The following UGT2B4 variants were observed in gnomAD, a reference collection of about 807,000 sequenced individuals.
The protein encoded by UGT2B4 is UDP-glucuronosyltransferase 2B4.
Under a neutral mutation model 49.8 loss-of-function variants are expected in UGT2B4, and 49 were observed. That is an observed-to-expected ratio of 0.98 (90% confidence interval 0.78 to 1.25). The LOEUF (loss-of-function observed/expected upper bound fraction) is 1.25, where lower values mean the gene tolerates loss of function less well. UGT2B4 is among the 50% of genes most tolerant of loss of function. UGT2B4 has a pLI of 0.00. For synonymous variants in UGT2B4, 246 were observed against 217.7 expected (o/e 1.13, Z -1.14); for missense variants, 729 against 627.7 (o/e 1.16, Z -1.73).
chr4:69,488,509 GT>G (rs1297368488), intron 3 of UGT2B4, among the ~76,000 whole-genome samples: 1 of 152,094 alleles, frequency 6.6e-6, no homozygotes, highest in Non-Finnish European at 1.5e-5. Flanking sequence ...AGAAGGATAT[GT>G]CAGGCAGGGA....
intron 1 of UGT2B4, among the ~76,000 whole-genome samples, chr4:69,494,790 A>G (rs1728094834): frequency 6.6e-6 from 1 of 152,190 alleles, no homozygotes; most frequent in African/African-American, 2.4e-5. Context: ...TACTCAATCT[A>G]CCAGTATGCA....
chr4:69,514,036 C>T (rs1178742288), intron 1 of UGT2B4, among the ~76,000 whole-genome samples: 2 of 151,264 alleles, frequency 1.3e-5, no homozygotes, highest in Non-Finnish European at 2.9e-5. Context: ...TCCCTAATGC[C>T]TAGAATGAAA....
chr4:69,485,145 A>G (rs983552134), intron 5 of UGT2B4, 63 bp downstream of exon 5: 3 of 1,554,866 alleles, frequency 1.9e-6, no homozygotes, highest in Non-Finnish European at 2.7e-6. Flanking sequence ...TAAAAGTCAT[A>G]CTCACTATTC....
chr4:69,485,057 A>T (rs1727728137), intron 5 of UGT2B4, 151 bp downstream of exon 5: 1 of 935,386 alleles, frequency 1.1e-6, no homozygotes, highest in Admixed American at 3.2e-5. Flanking sequence ...TTTTTAAATA[A>T]CCACTCAAAA....
chr4:69,480,736 C>T lies in UGT2B4; in HGVS notation c.1485G>A (p.Gly495=). Residue 495 remains glycine (G), a synonymous_variant, in exon 6 of 6, where the codon GGG becomes GGA. Transcript: ENST00000305107. ...WFQYHSLDVT[G]FLLACVATVI... ...CAGTTGCCACACAGGCCAGCAGGAA[C>T]CCAGTCACATCCAAAGAGTGGTACT... The T allele has an allele frequency of 6.2e-7, 1 of 1,614,016 alleles. No homozygotes were observed. The highest frequency in any genetic ancestry group is 8.5e-7 in the Non-Finnish European group (1 of 1,179,940).
chr4:69,494,422 G>C (rs546240163), intron 1 of UGT2B4, among the ~76,000 whole-genome samples: 33 of 152,088 alleles, frequency 2.2e-4, no homozygotes, highest in African/African-American at 7.7e-4. Context: ...AGAAAATTTT[G>C]AGAACTTGTT....
intron 2 of UGT2B4, among the ~76,000 whole-genome samples, chr4:69,491,562 G>C (rs149304873): frequency 3.2e-4 from 48 of 152,082 alleles, no homozygotes; most frequent in African/African-American, 1.2e-3. Context: ...AGCAAATTGG[G>C]TTTGCAGTTA....
chr4:69,493,851 G>GAA lies in UGT2B4; in HGVS notation c.722-12_722-11dup. 1.3e-6 allele frequency: 2 copies of GAA among 1,546,066 alleles called. No homozygotes were observed. Among genetic ancestry groups the GAA allele is most frequent in the Admixed American group, 2.1e-5 (1 of 47,390 alleles). ...AACGTAGTGGGTCTTCCTGATGGGG[G>GAA]AAAAAAAAAGAAAAGATAGATGACA... On this transcript the variant is annotated splice_polypyrimidine_tract_variant and intron_variant, in intron 1 of 5. Transcript: ENST00000305107.
chr4:69,480,701 A>T lies in UGT2B4; in HGVS notation c.1520T>A (p.Ile507Asn), dbSNP rs1320892096. The T allele has an allele frequency of 3.1e-6, 5 of 1,614,042 alleles. No individual in the cohort carries two copies. Among genetic ancestry groups the T allele is most frequent in the Non-Finnish European group, 4.2e-6 (5 of 1,179,984 alleles). ...LLACVATVIF[I>N]ITKCLFCVWK... ...GACACAAAACAGACATTTTGTGATG[A>T]TGAATATCACAGTTGCCACACAGGC... The change falls in exon 6 of 6, where the codon ATC (isoleucine) becomes AAC (asparagine). Residue 507 changes from isoleucine (I) to asparagine (N), a missense_variant. Ile to Asn is a moderately radical substitution (Grantham distance 149, BLOSUM62 -3). Coordinates refer to ENST00000305107, the MANE Select transcript of UGT2B4 (RefSeq NM_021139.3).
intron 5 of UGT2B4, 75 bp downstream of exon 5, chr4:69,485,133 G>C (rs954971874): frequency 1.3e-6 from 2 of 1,517,042 alleles, no homozygotes; most frequent in South Asian, 2.3e-5. Context: ...TTATAAAAAG[G>C]ATAAAAGTCA....
At chr4:69,502,118 T>TTTCTTTCTTTCTTTCTTC (rs1553896671) in intron 1 of UGT2B4, among the ~76,000 whole-genome samples, 3 of 135,718 alleles carry the variant, frequency 2.2e-5, no homozygotes, top group Non-Finnish European at 4.7e-5. Flanking sequence ...TCTTTCTTTC[T>TTTCTTTCTTTCTTTCTTC]TTCTTTCTTT....
chr4:69,517,239 C>A (rs28628787), intron 1 of UGT2B4, among the ~76,000 whole-genome samples: 2 of 151,762 alleles, frequency 1.3e-5, no homozygotes, highest in Non-Finnish European at 2.9e-5. Context: ...GCCCTCCCCC[C>A]CAAGAAATAT....
At chr4:69,503,495 C>T (rs932206625) in intron 1 of UGT2B4, among the ~76,000 whole-genome samples, 13 of 152,160 alleles carry the variant, frequency 8.5e-5, no homozygotes, top group Admixed American at 7.2e-4. Context: ...GTGCAGTACA[C>T]CCTCCTACTG....
At chr4:69,525,808 GA>G in exon 1 of UGT2B4, 1 of 1,093,892 alleles carries the variant, frequency 9.1e-7, no homozygotes, top group Non-Finnish European at 1.2e-6. Context: ...TTATATTAAA[GA>G]AAGGGCTCCA....
intron 3 of UGT2B4, among the ~76,000 whole-genome samples, chr4:69,487,212 C>A (rs912612115): frequency 6.6e-6 from 1 of 152,236 alleles, no homozygotes; most frequent in African/African-American, 2.4e-5. Context: ...CCATTCAACC[C>A]AGCAATCCCA....
At chr4:69,514,012 T>A (rs926139696) in intron 1 of UGT2B4, among the ~76,000 whole-genome samples, 28 of 151,488 alleles carry the variant, frequency 1.8e-4, no homozygotes, top group African/African-American at 6.6e-4. Flanking sequence ...TTTTTTAATT[T>A]TTTTTTATTA....
At chr4:69,509,575 A>G (rs1728557167) in intron 1 of UGT2B4, among the ~76,000 whole-genome samples, 1 of 152,002 alleles carries the variant, frequency 6.6e-6, no homozygotes, top group Admixed American at 6.6e-5. Context: ...CACGGTTCAG[A>G]TTTTTCTGAT....
chr4:69,520,833 C>G (rs1389984091), intron 1 of UGT2B4, among the ~76,000 whole-genome samples: 1 of 152,164 alleles, frequency 6.6e-6, no homozygotes, highest in African/African-American at 2.4e-5. Flanking sequence ...GACAGACAGA[C>G]TCCTGGGCGG....
intron 5 of UGT2B4, among the ~76,000 whole-genome samples, chr4:69,481,779 T>A (rs1727598750): frequency 6.6e-6 from 1 of 152,222 alleles, no homozygotes; most frequent in African/African-American, 2.4e-5. Context: ...AGAATTATCA[T>A]CTTTAAGTTT....
Sources: gnomAD v4.1 joint callset for allele counts (sites outside exome capture counted in the v4.1 genomes callset) on GRCh38, gnomAD v4.1.1 for gene constraint, MANE v1.5 for transcripts, NCBI Gene and HGNC (gene_info 2026-07-23, HGNC 2026-07-21) for gene names.